The following TBC1D23 variants were observed in gnomAD, a reference collection of about 807,000 sequenced individuals.
TBC1D23 encodes the protein TBC1 domain family member 23, also known as HCV non-structural protein 4A-transactivated protein 1.
Under a neutral mutation model 91.4 loss-of-function variants are expected in TBC1D23, and 55 were observed. That is an observed-to-expected ratio of 0.60 (90% CI 0.48 to 0.75). The LOEUF (loss-of-function observed/expected upper bound fraction) is 0.75, where lower values mean the gene tolerates loss of function less well. Among genes scored for constraint, TBC1D23 ranks in the 30% least tolerant of loss-of-function variants. The pLI is 0.00. For missense variants in TBC1D23, 725 were observed against 836.1 expected (o/e 0.87, Z 1.64); for synonymous variants, 289 against 281.0 (o/e 1.03, Z -0.28).
chr3:100,261,235 C>T (rs1182054411), intron 1 of TBC1D23, 164 bp downstream of exon 1: 9 of 638,050 alleles, frequency 1.4e-5, no homozygotes, highest in Non-Finnish European at 2.5e-5. Context: ...TGCCCCCTGC[C>T]TGCCTGGTTC....
chr3:100,294,810 T>A (rs2067823774), intron 5 of TBC1D23, among the ~76,000 whole-genome samples: 1 of 152,210 alleles, frequency 6.6e-6, no homozygotes, highest in Non-Finnish European at 1.5e-5. Context: ...ACAATAATAG[T>A]AGAAGATGGG....
rs140482376 is a variant in TBC1D23 at position 100,303,136 on chromosome 3, A to G, written c.1263+899A>G. Among the ~76,000 whole-genome samples the G allele has an allele frequency of 5.0e-3, 755 of 152,212 alleles. 4 individuals carry two copies. The highest frequency in any genetic ancestry group is 7.9e-3 in the Non-Finnish European group (535 of 68,004). On this transcript the variant is annotated intron_variant, in intron 11 of 18. Transcript: ENST00000394144. Reference sequence around the variant, plus strand: ...ACTCAGTGATGGCTTGTTTTTTATTATAATAGTTGCTTATTAGGTATTCTT... The same window carrying G: ...ACTCAGTGATGGCTTGTTTTTTATTGTAATAGTTGCTTATTAGGTATTCTT...
rs573738830 is a variant in TBC1D23, at chr3:100,274,845, A to G, written c.54-4804A>G. Among the ~76,000 whole-genome samples the G allele has an allele frequency of 2.6e-4, 39 of 148,970 alleles. No homozygotes were observed. The South Asian group carries it at 7.7e-3, about 30-fold the overall frequency. On this transcript the variant is annotated intron_variant, in intron 1 of 18. Coordinates refer to ENST00000394144, the MANE Select transcript of TBC1D23 (RefSeq NM_001199198.3). The stretch of plus-strand genomic sequence containing the variant: ...TTAATAAACATATATAATATGATAA[A>G]TATATAATATTTGTTTATTAATTAC...
At chr3:100,289,970 A>C (rs1228841487) in intron 4 of TBC1D23, among the ~76,000 whole-genome samples, 1 of 152,190 alleles carries the variant, frequency 6.6e-6, no homozygotes, top group Non-Finnish European at 1.5e-5. Flanking sequence ...GGTGCCTTTT[A>C]CTTTAAAACA....
Position 100,323,732 on chromosome 3 carries a change from T to A in TBC1D23, c.*64T>A. 2.7e-6 allele frequency: 2 copies of A among 733,354 alleles called. No homozygotes were observed. The highest frequency in any genetic ancestry group is 4.0e-6 in the Non-Finnish European group (2 of 502,252). 45.4% of individuals were successfully genotyped at this position (733,354 alleles called of 1,614,324 possible). On this transcript the variant is annotated 3_prime_UTR_variant, in exon 19 of 19. Coordinates refer to ENST00000394144, the MANE Select transcript of TBC1D23 (RefSeq NM_001199198.3). Reference sequence around the variant, plus strand: ...AAGAGAAACATGGACATATACCTCCTGACTGAATACTAACTGGAGACCTTT... The same window carrying A: ...AAGAGAAACATGGACATATACCTCCAGACTGAATACTAACTGGAGACCTTT...
In TBC1D23 at chr3:100,316,300, A is replaced by T. The variant is rs115174549; in HGVS notation, c.1687+113A>T. ...TTTTAAAAAAATGAGATTCTGTAGA[A>T]ATAATTGGAGAATCTGTGGCTTTCT... On this transcript the variant is annotated intron_variant, in intron 16 of 18. Transcript: ENST00000394144. 2.1e-3 allele frequency: 1,546 copies of T among 751,412 alleles called. 20 individuals carry two copies. The African/African-American group carries it at 0.024, about 11-fold the overall frequency. The allele number at this position is 751,412 out of a possible 1,614,324, so 46.5% of individuals were successfully genotyped here. A position where few individuals can be genotyped will look rare whatever the true frequency, so the allele number is the denominator to read the frequency against.
At chr3:100,297,785 TTATG>T (rs917769548) in intron 8 of TBC1D23, 134 bp from the exon 9 acceptor site, 12 of 597,852 alleles carry the variant, frequency 2.0e-5, no homozygotes, top group African/African-American at 3.8e-5. Context: ...AAATTTGAGA[TTATG>T]TAGTATTAAG....
At chr3:100,313,476 T>C (rs1705667390) in intron 15 of TBC1D23, among the ~76,000 whole-genome samples, 3 of 152,148 alleles carry the variant, frequency 2.0e-5, no homozygotes. Context: ...GCTGTTGAAT[T>C]TTATTCATTT....
intron 17 of TBC1D23, 48 bp from the exon 18 acceptor site, chr3:100,320,729 A>G: frequency 1.6e-6 from 2 of 1,222,716 alleles, no homozygotes; most frequent in Non-Finnish European, 2.2e-6. Context: ...GTTTTGAATT[A>G]AATTTACTTA....
rs1457789141 is a variant in TBC1D23, at chr3:100,310,624, G to A, written c.1553+82G>A. On this transcript the variant is annotated intron_variant, in intron 14 of 18. Transcript: ENST00000394144. ...GTCTTAGAGTAAGTAAATGTTAGTT[G>A]AATTTAATGTGTTCCAGAAAAGGAT... The A allele has an allele frequency of 2.3e-5, 24 of 1,045,954 alleles. No individual in the cohort carries two copies. The East Asian group carries it at 2.4e-4, about 10-fold the overall frequency. The allele number at this position is 1,045,954 out of a possible 1,614,324, so 64.8% of individuals were successfully genotyped here. A position where few individuals can be genotyped will look rare whatever the true frequency, so the allele number is the denominator to read the frequency against.
chr3:100,293,258 C>G (rs149538906), intron 5 of TBC1D23, among the ~76,000 whole-genome samples: 7 of 152,098 alleles, frequency 4.6e-5, no homozygotes, highest in African/African-American at 7.2e-5. Flanking sequence ...CTCAGCCTCC[C>G]GAGTAGTTGG....
At chr3:100,316,532 A>G (rs1705748017) in intron 16 of TBC1D23, among the ~76,000 whole-genome samples, 1 of 152,068 alleles carries the variant, frequency 6.6e-6, no homozygotes, top group Non-Finnish European at 1.5e-5. Flanking sequence ...GTCTTCAGCT[A>G]AGGAGAGAGG....
chr3:100,276,692 T>C (rs1047097230), intron 1 of TBC1D23, among the ~76,000 whole-genome samples: 1 of 152,210 alleles, frequency 6.6e-6, no homozygotes, highest in Admixed American at 6.5e-5. Flanking sequence ...TTAGGTGATT[T>C]TACCACACAA....
At position 100,324,173 on chromosome 3, in the gene TBC1D23, G is replaced by C. The variant is rs1705914618; in HGVS notation, c.*505G>C. On this transcript the variant is annotated 3_prime_UTR_variant, in exon 19 of 19. Transcript: ENST00000394144. ...TCACTGTTTCTATTCTTCTTAAAAA[G>C]AGTGAAATCTTTTTAATGGAATGGT... 1 of 152,142 alleles carries C rather than the reference G, an allele frequency of 6.6e-6. No individual in the cohort carries two copies. Among genetic ancestry groups the C allele is most frequent in the Non-Finnish European group, 1.5e-5 (1 of 68,012 alleles). The allele number at this position is 152,142 out of a possible 1,614,324, so 9.4% of individuals were successfully genotyped here.
At chr3:100,290,840 AT>A (rs2067783908) in intron 5 of TBC1D23, 139 bp downstream of exon 5, 1 of 640,546 alleles carries the variant, frequency 1.6e-6, no homozygotes, top group Admixed American at 3.6e-5. Flanking sequence ...GGGTAAAATT[AT>A]TGGCATTTCA....
At chr3:100,263,556 T>G (rs1197369149) in intron 1 of TBC1D23, among the ~76,000 whole-genome samples, 1 of 152,256 alleles carries the variant, frequency 6.6e-6, no homozygotes, top group African/African-American at 2.4e-5. Flanking sequence ...TACGTCTTTT[T>G]GCTTCTGGTA....
chr3:100,316,791 G>A (rs1222671146), intron 16 of TBC1D23, among the ~76,000 whole-genome samples: 3 of 151,982 alleles, frequency 2.0e-5, no homozygotes, highest in African/African-American at 4.8e-5. Flanking sequence ...CTGTGGTTAT[G>A]TTTTAAAAAA....
chr3:100,306,570 C>G (rs377511112), intron 13 of TBC1D23, 27 bp downstream of exon 13: 19 of 1,394,906 alleles, frequency 1.4e-5, no homozygotes, highest in Non-Finnish European at 1.8e-5. Context: ...AATATGTTAC[C>G]GGATTTGGAT....
rs186304453 is a variant in TBC1D23 at position 100,269,452 on chromosome 3, A to G, written c.53+8381A>G. 3.7e-3 allele frequency among the ~76,000 whole-genome samples: 557 copies of G among 152,330 alleles called. 13 individuals carry two copies. The highest frequency in any genetic ancestry group is 1.9e-3 in the East Asian group (10 of 5,182). The stretch of plus-strand genomic sequence containing the variant: ...TGACACAAATCTAGATAACTTCACA[A>G]TTATCAAATTGTATCAAATTGTTCT... On this transcript the variant is annotated intron_variant, in intron 1 of 18. Transcript: ENST00000394144.
Sources: allele counts gnomAD v4.1 joint callset (sites outside exome capture counted in the v4.1 genomes callset), GRCh38; gene constraint gnomAD v4.1.1; transcripts MANE v1.5; gene names NCBI Gene and HGNC (gene_info 2026-07-23, HGNC 2026-07-21).